The following DNAI3 variants were observed in gnomAD, a reference collection of about 807,000 sequenced individuals.
The protein encoded by DNAI3 is WD repeat domain 63.
Under a neutral mutation model 115.5 loss-of-function variants are expected in DNAI3, and 83 were observed. That is an observed-to-expected ratio of 0.72 (90% CI 0.60 to 0.86). DNAI3 has a LOEUF of 0.86. Among genes scored for constraint, DNAI3 ranks in the 40% least tolerant of loss-of-function variants. DNAI3 has a pLI of 0.00. For synonymous variants in DNAI3, 320 were observed against 347.0 expected (o/e 0.92, Z 0.86); for missense variants, 1,004 against 1,075.8 (o/e 0.93, Z 0.93).
chr1:85,124,619 T>C (rs1349144497), intron 19 of DNAI3, among the ~76,000 whole-genome samples: 1 of 152,134 alleles, frequency 6.6e-6, no homozygotes, highest in Non-Finnish European at 1.5e-5. Flanking sequence ...CAGCCTCGAC[T>C]TCCCAGGCTC....
intron 1 of DNAI3, among the ~76,000 whole-genome samples, chr1:85,068,267 TTC>T (rs1210296129): frequency 6.6e-6 from 1 of 152,154 alleles, no homozygotes; most frequent in East Asian, 1.9e-4. Context: ...ACTCCTGAAC[TTC>T]TCTTTCAAAT....
intron 13 of DNAI3, among the ~76,000 whole-genome samples, chr1:85,102,851 TTC>T (rs1433198164): frequency 6.6e-6 from 1 of 152,232 alleles, no homozygotes; most frequent in Non-Finnish European, 1.5e-5. Flanking sequence ...TTCTAAAATA[TTC>T]TGTTTTCCAA....
At chr1:85,094,611 T>C in intron 10 of DNAI3, 56 bp downstream of exon 10, 23 of 1,588,212 alleles carry the variant, frequency 1.4e-5, no homozygotes, top group Non-Finnish European at 1.5e-5. Flanking sequence ...CTTTCATGTA[T>C]ACCTTTAGCA....
intron 21 of DNAI3, 27 bp from the exon 22 acceptor site, chr1:85,129,963 C>T (rs1571206136): frequency 6.3e-7 from 1 of 1,595,414 alleles, no homozygotes; most frequent in East Asian, 2.2e-5. Context: ...TGCCTGTCAC[C>T]CTCTCATGGA....
At chr1:85,079,171 G>A (rs1050162272) in intron 3 of DNAI3, among the ~76,000 whole-genome samples, 2 of 152,188 alleles carry the variant, frequency 1.3e-5, no homozygotes, top group African/African-American at 4.8e-5. Flanking sequence ...TACAAATGCA[G>A]TCTGTTTGCA....
At chr1:85,078,746 G>A (rs189920763) in intron 3 of DNAI3, among the ~76,000 whole-genome samples, 4 of 152,348 alleles carry the variant, frequency 2.6e-5, no homozygotes, top group Admixed American at 1.3e-4. Flanking sequence ...CTGGACTATA[G>A]CAGTTTTGTG....
At chr1:85,098,771 C>T in intron 13 of DNAI3, 113 bp downstream of exon 13, 3 of 1,477,818 alleles carry the variant, frequency 2.0e-6, no homozygotes, top group Non-Finnish European at 2.8e-6. Flanking sequence ...GTGAAATAAC[C>T]AGGAACTAAG....
intron 1 of DNAI3, 56 bp downstream of exon 1, chr1:85,062,542 C>T (rs1185619300): frequency 6.6e-6 from 1 of 152,228 alleles, no homozygotes; most frequent in Non-Finnish European, 1.5e-5. Context: ...TTTACTCACT[C>T]TTTCAAGGGT....
At chr1:85,110,859 TA>T (rs1360603915) in intron 16 of DNAI3, among the ~76,000 whole-genome samples, 1 of 152,188 alleles carries the variant, frequency 6.6e-6, no homozygotes, top group African/African-American at 2.4e-5. Context: ...ATATAATTTT[TA>T]AAAATAATAT....
intron 22 of DNAI3, among the ~76,000 whole-genome samples, chr1:85,132,280 G>A (rs1429699391): frequency 6.6e-6 from 1 of 152,260 alleles, no homozygotes; most frequent in Non-Finnish European, 1.5e-5. Context: ...GCCTGTGTGA[G>A]TGCTCACCAG....
intron 14 of DNAI3, 34 bp from the exon 15 acceptor site, chr1:85,107,999 T>C (rs777403464): frequency 2.8e-6 from 4 of 1,434,782 alleles, no homozygotes; most frequent in Non-Finnish European, 3.7e-6. Context: ...CTCTTGTTTG[T>C]ACTTAATAAA....
chr1:85,127,227 G>A (rs1016898668), intron 20 of DNAI3, among the ~76,000 whole-genome samples: 7 of 152,140 alleles, frequency 4.6e-5, no homozygotes, highest in Non-Finnish European at 1.0e-4. Flanking sequence ...ATGATTATCT[G>A]GAGTTATATA....
chr1:85,130,322 T>G, intron 22 of DNAI3: 1 of 650,758 alleles, frequency 1.5e-6, no homozygotes, highest in Non-Finnish European at 2.5e-6. Context: ...GTTTCTGAAA[T>G]TTTCTATAAT....
Position 85,128,776 on chromosome 1 carries a change from T to TTA in DNAI3, c.2387_2388dup (p.Ser797Ter). ...GCATATATTAGAAATTCCTTGGACA[T>TTA]TAAGTCGCCCTTCCACCAATGAGGT... is the stretch of plus-strand genomic sequence containing the variant. On this transcript the variant is annotated frameshift_variant, in exon 21 of 23. Coordinates refer to ENST00000294664, the MANE Select transcript of DNAI3 (RefSeq NM_145172.5). LOFTEE classifies it high-confidence loss of function. 6.2e-7 allele frequency: 1 copy of TTA among 1,613,422 alleles called. No individual in the cohort carries two copies. The highest frequency in any genetic ancestry group is 8.5e-7 in the Non-Finnish European group (1 of 1,179,810).
chr1:85,072,514 C>T (rs1654308098), intron 2 of DNAI3, among the ~76,000 whole-genome samples: 1 of 151,360 alleles, frequency 6.6e-6, no homozygotes, highest in East Asian at 2.0e-4. Flanking sequence ...TGGTGGCACG[C>T]GCCTGTAATC....
rs1357654292 is a variant in DNAI3 at position 85,085,940 on chromosome 1, C to T, written c.650C>T (p.Pro217Leu). 6.2e-7 allele frequency: 1 copy of T among 1,614,108 alleles called. No homozygotes were observed. Among genetic ancestry groups the T allele is most frequent in the Admixed American group, 1.7e-5 (1 of 60,006 alleles). The change falls in exon 7 of 23, where the codon CCA becomes CTA. Residue 217 changes from proline to leucine, a missense_variant. Pro to Leu is a moderately conservative substitution (Grantham distance 98, BLOSUM62 -3). Transcript: ENST00000294664. ...KDAYIECTAY[P>L]DKNFTLKQLE... The stretch of plus-strand genomic sequence containing the variant: ...GCCTATATTGAATGTACAGCCTACC[C>T]AGATAAAAATTTTACCCTTAAACAA...
intron 13 of DNAI3, among the ~76,000 whole-genome samples, chr1:85,101,820 A>C (rs1247358490): frequency 6.6e-6 from 1 of 151,844 alleles, no homozygotes; most frequent in Non-Finnish European, 1.5e-5. Flanking sequence ...GAATGAAGAT[A>C]GTTTTCAAAG....
chr1:85,132,282 G>C (rs780246298), intron 22 of DNAI3, among the ~76,000 whole-genome samples: 1 of 152,274 alleles, frequency 6.6e-6, no homozygotes, highest in Non-Finnish European at 1.5e-5. Flanking sequence ...CTGTGTGAGT[G>C]CTCACCAGGT....
chr1:85,093,277 C>A (rs1171561619), intron 8 of DNAI3, among the ~76,000 whole-genome samples, 181 bp from the exon 9 acceptor site: 1 of 152,212 alleles, frequency 6.6e-6, no homozygotes, highest in African/African-American at 2.4e-5. Flanking sequence ...AACATGCCAC[C>A]ATGATGTTTT....
Sources: gnomAD v4.1 joint callset for allele counts (sites outside exome capture counted in the v4.1 genomes callset) on GRCh38, gnomAD v4.1.1 for gene constraint, MANE v1.5 for transcripts, NCBI Gene and HGNC (gene_info 2026-07-23, HGNC 2026-07-21) for gene names.